Variants in RGS5 observed in about 807,000 individuals in gnomAD.
The protein encoded by RGS5 is regulator of G protein signaling 5, also known as regulator of G-protein signalling 5.
In RGS5, 20 loss-of-function variants were observed where a neutral mutation model predicts 18.9. The observed-to-expected ratio is 1.06, with a 90% CI of 0.74 to 1.54. The LOEUF (loss-of-function observed/expected upper bound fraction) is 1.54, where lower values mean the gene tolerates loss of function less well. RGS5 is among the 40% of genes most tolerant of loss of function. The probability of loss-of-function intolerance (pLI) is 0.00; values close to 1 mark genes in which losing one functional copy is unlikely to be tolerated. For synonymous variants in RGS5, 57 were observed against 76.2 expected (o/e 0.75, Z 1.31); for missense variants, 201 against 211.8 (o/e 0.95, Z 0.32).
At chr1:163,163,908 G>C (rs889197297) in intron 2 of RGS5, among the ~76,000 whole-genome samples, 2 of 152,136 alleles carry the variant, frequency 1.3e-5, no homozygotes, top group African/African-American at 4.8e-5. Context: ...GTATAGAGGA[G>C]CAAAGGAAGA....
At chr1:163,253,065 G>A (rs1396550) in intron 2 of RGS5, among the ~76,000 whole-genome samples, 29,828 of 152,074 alleles carry the variant, frequency 0.2, 3,373 homozygotes, top group Non-Finnish European at 0.25. Context: ...TTTGAGCACT[G>A]GGTGTGTTTA....
At chr1:163,217,781 T>C (rs1660250340), upstream of RGS5, 3 of 727,074 alleles carry the variant, frequency 4.1e-6, no homozygotes, top group East Asian at 5.7e-5. Flanking sequence ...ACTTCTGATA[T>C]GTGGTTTATT....
At chr1:163,188,679 G>C (rs567944111) in intron 1 of RGS5, among the ~76,000 whole-genome samples, 1 of 152,162 alleles carries the variant, frequency 6.6e-6, no homozygotes, top group African/African-American at 2.4e-5. Flanking sequence ...AGTTACTGTG[G>C]CTGGGCGTAG....
At chr1:163,227,642 G>A in intron 2 of RGS5, among the ~76,000 whole-genome samples, 1 of 128,610 alleles carries the variant, frequency 7.8e-6, no homozygotes, top group Admixed American at 9.7e-5. Flanking sequence ...CCTTCCAACA[G>A]TCCCCCAAAG....
intron 3 of RGS5, among the ~76,000 whole-genome samples, chr1:163,158,319 C>T (rs192465956): frequency 1.3e-5 from 2 of 152,104 alleles, no homozygotes; most frequent in African/African-American, 4.8e-5. Flanking sequence ...AAGAGAGACA[C>T]AGAGAAAGAC....
intron 2 of RGS5, among the ~76,000 whole-genome samples, chr1:163,294,912 G>A (rs1389596609): frequency 6.6e-6 from 1 of 152,032 alleles, no homozygotes; most frequent in Non-Finnish European, 1.5e-5. Flanking sequence ...AGATCTCTAG[G>A]GCAGGGGCAA....
At chr1:163,274,523 G>A (rs1001794036) in intron 2 of RGS5, among the ~76,000 whole-genome samples, 5 of 152,148 alleles carry the variant, frequency 3.3e-5, no homozygotes, top group Admixed American at 2.0e-4. Context: ...AATATAAGTA[G>A]AGTGTTTTCC....
upstream of RGS5, among the ~76,000 whole-genome samples, chr1:163,222,388 C>G (rs975089276): frequency 1.3e-5 from 2 of 152,096 alleles, no homozygotes; most frequent in Non-Finnish European, 2.9e-5. Flanking sequence ...AAACCACCAA[C>G]CCCCCACCCC....
At position 163,143,680 on chromosome 1, in the gene RGS5, T is replaced by C. The variant is rs997162627; in HGVS notation, c.*3662A>G. The stretch of plus-strand genomic sequence containing the variant: ...CTTTCTTTTCATGACTATTCTCTCC[T>C]AAACTTGCTAAACTCCCAGGAAAAA... On this transcript the variant is annotated 3_prime_UTR_variant, in exon 5 of 5. Coordinates refer to ENST00000313961, the MANE Select transcript of RGS5 (RefSeq NM_003617.4). The C allele has an allele frequency of 3.9e-5, 6 of 152,310 alleles. No homozygotes were observed. The highest frequency in any genetic ancestry group is 3.9e-4 in the Admixed American group (6 of 15,286). 9.4% of individuals were successfully genotyped at this position (152,310 alleles called of 1,614,324 possible).
chr1:163,142,617 T>C lies in RGS5; in HGVS notation c.*4725A>G, dbSNP rs1422723424. 1 of 152,206 alleles carries C rather than the reference T, an allele frequency of 6.6e-6. No individual in the cohort carries two copies. The highest frequency in any genetic ancestry group is 1.5e-5 in the Non-Finnish European group (1 of 68,036). The allele number at this position is 152,206 out of a possible 1,614,324, so 9.4% of individuals were successfully genotyped here. A position where few individuals can be genotyped will look rare whatever the true frequency, so the allele number is the denominator to read the frequency against. On this transcript the variant is annotated 3_prime_UTR_variant, in exon 5 of 5. Coordinates refer to ENST00000313961, the MANE Select transcript of RGS5 (RefSeq NM_003617.4). ...ATAAAAAGAACTTTTGGCAAATATT[T>C]ATTCAGATTGCTTGTCTCCAGTGGC...
intron 1 of RGS5, chr1:163,172,424 C>A: frequency 1.1e-6 from 1 of 903,096 alleles, no homozygotes; most frequent in East Asian, 2.7e-5. Context: ...CAGGATGAAT[C>A]AGTACCCTAC....
chr1:163,243,374 G>A (rs1297292355), intron 2 of RGS5, among the ~76,000 whole-genome samples: 3 of 152,068 alleles, frequency 2.0e-5, no homozygotes, highest in Non-Finnish European at 2.9e-5. Context: ...CAGGCCGGGC[G>A]CGGTGGCTCA....
At chr1:163,241,522 T>C (rs1647792101) in intron 2 of RGS5, among the ~76,000 whole-genome samples, 1 of 152,206 alleles carries the variant, frequency 6.6e-6, no homozygotes, top group South Asian at 2.1e-4. Flanking sequence ...TTTCAGACTA[T>C]GGTTATTCTG....
intron 1 of RGS5, among the ~76,000 whole-genome samples, chr1:163,176,124 A>G (rs1658547642): frequency 6.6e-6 from 1 of 152,190 alleles, no homozygotes; most frequent in Non-Finnish European, 1.5e-5. Flanking sequence ...AACTCTTGAT[A>G]TGTTCTAACG....
rs764824514 is a variant in RGS5 at position 163,168,385 on chromosome 1, A to G, written c.45-17T>C. On this transcript the variant is annotated splice_polypyrimidine_tract_variant and intron_variant, in intron 1 of 4. Transcript: ENST00000313961. ...TCCTTGGCCCTGAAAGAAGAGACAC[A>G]AGGGGAAATGAGGACACCACATGTG... The G allele has an allele frequency of 1.3e-6, 2 of 1,584,806 alleles. No homozygotes were observed. Among genetic ancestry groups the G allele is most frequent in the African/African-American group, 2.7e-5 (2 of 74,304 alleles).
At chr1:163,172,142 C>T (rs1658330034) in intron 1 of RGS5, among the ~76,000 whole-genome samples, 2 of 152,198 alleles carry the variant, frequency 1.3e-5, no homozygotes, top group African/African-American at 2.4e-5. Context: ...AAAGAAGTTA[C>T]TCTGCTTCCC....
intron 2 of RGS5, among the ~76,000 whole-genome samples, chr1:163,256,031 T>C (rs911985626): frequency 6.6e-6 from 1 of 152,070 alleles, no homozygotes; most frequent in African/African-American, 2.4e-5. Flanking sequence ...ACTGGAAGCA[T>C]TCCCTTTGAA....
intron 1 of RGS5, among the ~76,000 whole-genome samples, chr1:163,191,943 G>C (rs1440835028): frequency 1.3e-5 from 2 of 152,108 alleles, no homozygotes; most frequent in Non-Finnish European, 2.9e-5. Flanking sequence ...AAAATGCAGG[G>C]TTCAGAGAGC....
intron 2 of RGS5, 55 bp downstream of exon 2, chr1:163,168,203 T>G: frequency 7.5e-7 from 1 of 1,326,892 alleles, no homozygotes; most frequent in Non-Finnish European, 1.1e-6. Context: ...TGCTAAACAC[T>G]TGGAAAATAG....
Sources: allele counts gnomAD v4.1 joint callset (sites outside exome capture counted in the v4.1 genomes callset), GRCh38; gene constraint gnomAD v4.1.1; transcripts MANE v1.5; gene names NCBI Gene and HGNC (gene_info 2026-07-23, HGNC 2026-07-21).